HEPACAM2: variants seen among roughly 807,000 people sequenced by gnomAD.
HEPACAM2 encodes the protein HEPACAM family member 2.
Under a neutral mutation model 49.6 loss-of-function variants are expected in HEPACAM2, and 49 were observed. The ratio of observed to expected loss-of-function variants is 0.99; its 90% CI spans 0.78 to 1.25. The LOEUF (loss-of-function observed/expected upper bound fraction) is 1.25. HEPACAM2 is among the 50% of genes most tolerant of loss of function. The pLI, the probability that HEPACAM2 is intolerant of heterozygous loss-of-function variation, is 0.00. For missense variants in HEPACAM2, 525 were observed against 557.2 expected, an observed-to-expected ratio of 0.94 and a Z score of 0.58; for synonymous variants, 197 against 202.9, an observed-to-expected ratio of 0.97 and a Z score of 0.25.
In HEPACAM2 at chr7:93,189,138, A is replaced by G. The variant is rs1793473009; in HGVS notation, c.*129T>C. On this transcript the variant is annotated 3_prime_UTR_variant, in exon 10 of 10. Coordinates refer to ENST00000394468, the MANE Select transcript of HEPACAM2 (RefSeq NM_001039372.4). ...ATAAATGCCTCTATTCTGCATGTAA[A>G]GGAATAATGAGTAAGAGGTGTTGGT... 1 of 733,916 alleles carries G rather than the reference A, an allele frequency of 1.4e-6. No individual in the cohort carries two copies. The highest frequency in any genetic ancestry group is 2.3e-6 in the Non-Finnish European group (1 of 434,442). 45.5% of individuals were successfully genotyped at this position (733,916 alleles called of 1,614,324 possible).
intron 1 of HEPACAM2, among the ~76,000 whole-genome samples, chr7:93,223,594 T>C: frequency 6.6e-6 from 1 of 152,186 alleles, no homozygotes; most frequent in South Asian, 2.1e-4. Context: ...TCAATATCTC[T>C]GAATAGGTTC....
chr7:93,223,903 T>C (rs188651135), intron 1 of HEPACAM2, among the ~76,000 whole-genome samples: 4 of 152,292 alleles, frequency 2.6e-5, no homozygotes, highest in Admixed American at 6.5e-5. Flanking sequence ...ATTGAATGCT[T>C]CCTCCACATT....
In HEPACAM2 at chr7:93,189,262, A is replaced by G. The variant is rs1165842449; in HGVS notation, c.*5T>C. ...ACTCGAATGTACTGTTTAGCCCATG[A>G]AAGTTCACCTAGTGAAGAGATATAC... On this transcript the variant is annotated 3_prime_UTR_variant, in exon 10 of 10. Coordinates refer to ENST00000394468, the MANE Select transcript of HEPACAM2 (RefSeq NM_001039372.4). 4.4e-6 allele frequency: 7 copies of G among 1,597,180 alleles called. No homozygotes were observed. The highest frequency in any genetic ancestry group is 6.0e-6 in the Non-Finnish European group (7 of 1,169,646).
chr7:93,213,139 C>T (rs1794218693), intron 3 of HEPACAM2, among the ~76,000 whole-genome samples: 1 of 151,900 alleles, frequency 6.6e-6, no homozygotes, highest in African/African-American at 2.4e-5. Flanking sequence ...CCTTTTTTCC[C>T]CTTTAATTTT....
At chr7:93,192,885 A>G (rs979172650) in intron 8 of HEPACAM2, among the ~76,000 whole-genome samples, 9 of 152,152 alleles carry the variant, frequency 5.9e-5, no homozygotes, top group African/African-American at 2.2e-4. Context: ...GTTTAAATGT[A>G]GTAATGGACT....
intron 8 of HEPACAM2, among the ~76,000 whole-genome samples, chr7:93,194,939 T>C (rs1172479222): frequency 2.7e-5 from 4 of 149,902 alleles, no homozygotes; most frequent in Non-Finnish European, 4.4e-5. Flanking sequence ...TTTTTTTTTT[T>C]CCGGACTGAA....
At chr7:93,220,945 G>A (rs537010932) in intron 1 of HEPACAM2, among the ~76,000 whole-genome samples, 15 of 152,206 alleles carry the variant, frequency 9.9e-5, no homozygotes, top group East Asian at 1.9e-4. Flanking sequence ...AACATTTGAC[G>A]TAATAGAGGA....
chr7:93,222,765 T>G (rs1311551276), intron 1 of HEPACAM2, among the ~76,000 whole-genome samples: 1 of 152,152 alleles, frequency 6.6e-6, no homozygotes, highest in African/African-American at 2.4e-5. Flanking sequence ...CTTAATTTTA[T>G]GTTATTGACA....
At chr7:93,201,997 G>C (rs1471162465) in intron 4 of HEPACAM2, among the ~76,000 whole-genome samples, 2 of 102,842 alleles carry the variant, frequency 1.9e-5, no homozygotes, top group African/African-American at 7.7e-5. Context: ...TGCTCTCTGA[G>C]ACAGTGACAG....
At chr7:93,207,006 T>G (rs1285754398) in intron 4 of HEPACAM2, among the ~76,000 whole-genome samples, 2 of 152,080 alleles carry the variant, frequency 1.3e-5, no homozygotes, top group East Asian at 3.9e-4. Context: ...GATTCTCCAG[T>G]GCTACCTGAA....
intron 5 of HEPACAM2, 35 bp from the exon 6 acceptor site, chr7:93,197,432 T>C: frequency 6.3e-7 from 1 of 1,588,988 alleles, no homozygotes; most frequent in East Asian, 2.3e-5. Flanking sequence ...GGTAAGGTTT[T>C]TTTTAGTACA....
At chr7:93,202,304 T>C (rs1313064564) in intron 4 of HEPACAM2, among the ~76,000 whole-genome samples, 4 of 151,606 alleles carry the variant, frequency 2.6e-5, no homozygotes, top group African/African-American at 9.7e-5. Flanking sequence ...CAATTTGTTT[T>C]CCATTTACAA....
At chr7:93,200,120 A>C (rs1194327728) in intron 4 of HEPACAM2, among the ~76,000 whole-genome samples, 1 of 151,718 alleles carries the variant, frequency 6.6e-6, no homozygotes, top group Non-Finnish European at 1.5e-5. Flanking sequence ...TATTATTTCA[A>C]CTAGGTGAGG....
chr7:93,194,577 G>A lies in HEPACAM2; in HGVS notation c.1275+1251C>T, dbSNP rs189653278. ...CTGTTACTGACTCACCCTTAGGGAG[G>A]ATGAAATCCAATCAGTCCCTCTCCA... On this transcript the variant is annotated intron_variant, in intron 8 of 9. Transcript: ENST00000394468. 6.0e-4 allele frequency among the ~76,000 whole-genome samples: 91 copies of A among 152,126 alleles called. 4 individuals carry two copies. Among genetic ancestry groups the A allele is most frequent in the Admixed American group, 5.6e-3 (86 of 15,262 alleles).
chr7:93,208,710 C>T lies in HEPACAM2; in HGVS notation c.882G>A (p.Lys294=). 2 of 1,613,152 alleles carry T rather than the reference C, an allele frequency of 1.2e-6. No individual in the cohort carries two copies. Among genetic ancestry groups the T allele is most frequent in the East Asian group, 2.2e-5 (1 of 44,836 alleles). The stretch of plus-strand genomic sequence containing the variant: ...ATGCAACTTCTAAGCGAGGCCCATG[C>T]TTAATGATATATGTAGTATTGTCAG... ...RRTDNTTYII[K]HGPRLEVASE... The change falls in exon 4 of 10, where the codon AAG becomes AAA. Residue 294 remains lysine, a synonymous_variant. Coordinates refer to ENST00000394468, the MANE Select transcript of HEPACAM2 (RefSeq NM_001039372.4).
rs141479356 is a variant in HEPACAM2 at position 93,198,892 on chromosome 7, C to G, written c.1013-1282G>C. Among the ~76,000 whole-genome samples, 22 of 152,192 alleles carry G rather than the reference C, an allele frequency of 1.4e-4. No homozygotes were observed. In the East Asian group the frequency reaches 3.3e-3, roughly 23 times the overall value. On this transcript the variant is annotated intron_variant, in intron 4 of 9. Transcript: ENST00000394468. ...AATCTTTTCTTTCTCTCAGTATGAA[C>G]CTACATTAACTCTCTTGGCTTTTCC...
chr7:93,223,475 A>G (rs1562836331), intron 1 of HEPACAM2, among the ~76,000 whole-genome samples: 1 of 152,192 alleles, frequency 6.6e-6, no homozygotes. Flanking sequence ...CTACATTAGT[A>G]GAAAAAGATA....
Position 93,188,737 on chromosome 7 carries a change from G to T in HEPACAM2, c.*530C>A. On this transcript the variant is annotated 3_prime_UTR_variant, in exon 10 of 10. Transcript: ENST00000394468. ...AAAGAGAAGGCATAGTTTTGTTTTT[G>T]TGACAACCATCCTTATTACTTTGTT... is the stretch of plus-strand genomic sequence containing the variant. 1 of 306,666 alleles carries T rather than the reference G, an allele frequency of 3.3e-6. No homozygotes were observed. Among genetic ancestry groups the T allele is most frequent in the East Asian group, 5.2e-5 (1 of 19,356 alleles). 19.0% of individuals were successfully genotyped at this position (306,666 alleles called of 1,614,324 possible).
intron 1 of HEPACAM2, among the ~76,000 whole-genome samples, chr7:93,219,868 A>G (rs1260185837): frequency 6.6e-6 from 1 of 152,224 alleles, no homozygotes; most frequent in Non-Finnish European, 1.5e-5. Flanking sequence ...TTTCCTCCCA[A>G]CAGTTTCCCT....
Sources: gnomAD v4.1 joint callset for allele counts (sites outside exome capture counted in the v4.1 genomes callset) on GRCh38, gnomAD v4.1.1 for gene constraint, MANE v1.5 for transcripts, NCBI Gene and HGNC (gene_info 2026-07-23, HGNC 2026-07-21) for gene names.